The following SV2C variants were observed in gnomAD, a reference collection of about 807,000 sequenced individuals.
SV2C encodes the protein synaptic vesicle glycoprotein 2C, also known as solute carrier family 22 member B3.
In SV2C, 49 loss-of-function variants were observed where a neutral mutation model predicts 79.7. The observed-to-expected ratio is 0.61, with a 90% CI of 0.49 to 0.78. The LOEUF (loss-of-function observed/expected upper bound fraction) is 0.78, where lower values mean the gene tolerates loss of function less well. SV2C is among the 30% of genes least tolerant of loss of function. The pLI is 0.00. For missense variants in SV2C, 833 were observed against 912.9 expected (o/e 0.91, Z 1.13); for synonymous variants, 334 against 333.2 (o/e 1.00, Z -0.03).
rs1246146867 is a variant in SV2C at position 76,352,900 on chromosome 5, G to GAATCT, written c.2001-227_2001-223dup. ...CATGTGTCATTTAAACAGTCTTATA[G>GAATCT]AATCTAAGCATATTGAAATTCTTTT... On this transcript the variant is annotated intron_variant, in intron 12 of 12. Transcript: ENST00000322285. 3.1e-4 allele frequency among the ~76,000 whole-genome samples: 47 copies of GAATCT among 150,302 alleles called. No homozygotes were observed. The Middle Eastern group carries it at 0.01, about 33-fold the overall frequency.
At chr5:76,188,162 G>A (rs1354643955) in intron 2 of SV2C, among the ~76,000 whole-genome samples, 2 of 152,168 alleles carry the variant, frequency 1.3e-5, no homozygotes, top group East Asian at 3.8e-4. Flanking sequence ...TTGGGAGGCT[G>A]AGGTAGAAGG....
the SV2C span, among the ~76,000 whole-genome samples, chr5:75,904,345 G>A: frequency 1.1e-3 from 164 of 151,058 alleles, 2 homozygotes; most frequent in Non-Finnish European, 1.8e-3. Context: ...TGGAATCAGG[G>A]GTCTCAGAAG....
chr5:76,222,508 T>C (rs1745096638), intron 4 of SV2C, among the ~76,000 whole-genome samples: 1 of 152,190 alleles, frequency 6.6e-6, no homozygotes, highest in Non-Finnish European at 1.5e-5. Context: ...GAACTTTGCG[T>C]TGACGTCATA....
chr5:75,907,380 C>T, the SV2C span, among the ~76,000 whole-genome samples: 1 of 152,168 alleles, frequency 6.6e-6, no homozygotes, highest in Non-Finnish European at 1.5e-5. Flanking sequence ...TATTGGAGGT[C>T]TTGTCTGTGC....
the SV2C span, among the ~76,000 whole-genome samples, chr5:75,941,700 T>C: frequency 2.6e-5 from 4 of 152,172 alleles, no homozygotes; most frequent in Non-Finnish European, 4.4e-5. Context: ...TGGGGCACTT[T>C]AGGCCTCAGA....
At chr5:75,961,198 A>G in the SV2C span, among the ~76,000 whole-genome samples, 1 of 152,106 alleles carries the variant, frequency 6.6e-6, no homozygotes, top group Non-Finnish European at 1.5e-5. Flanking sequence ...ACTGGAAGAC[A>G]GCAGATATCA....
chr5:76,107,455 G>T (rs550185169), intron 1 of SV2C, among the ~76,000 whole-genome samples: 2 of 152,274 alleles, frequency 1.3e-5, no homozygotes, highest in South Asian at 4.1e-4. Flanking sequence ...TGTATAATAA[G>T]AAATAATACC....
At chr5:76,068,943 A>G in the SV2C span, among the ~76,000 whole-genome samples, 1 of 152,336 alleles carries the variant, frequency 6.6e-6, no homozygotes, top group African/African-American at 2.4e-5. Flanking sequence ...ACACAAATGC[A>G]TCAGTGTAAT....
Position 76,300,748 on chromosome 5 carries a change from C to A in SV2C, c.1656C>A (p.Phe552Leu). The change falls in exon 11 of 13, where the codon TTC (phenylalanine) becomes TTA (leucine). Residue 552 changes from phenylalanine (F) to leucine (L), a missense_variant. Transcript: ENST00000502798. ...FDNTDFEPYK[F>L]IDSEFKNCSF... ...CTACAGATTTTGAGCCATATAAATT[C>A]ATTGACAGTGAATTTAAAAACTGCT... The A allele has an allele frequency of 6.2e-7, 1 of 1,614,052 alleles. No homozygotes were observed. Among genetic ancestry groups the A allele is most frequent in the South Asian group, 1.1e-5 (1 of 91,066 alleles).
chr5:76,244,783 C>A (rs562250708), intron 4 of SV2C, among the ~76,000 whole-genome samples: 15 of 152,260 alleles, frequency 9.9e-5, no homozygotes, highest in South Asian at 4.1e-4. Context: ...TAATAAAAGT[C>A]CTAATTCTGT....
the SV2C span, among the ~76,000 whole-genome samples, chr5:75,939,009 A>G: frequency 2.4e-4 from 37 of 152,212 alleles, no homozygotes; most frequent in Middle Eastern, 3.4e-3. Flanking sequence ...GTACAAGTTA[A>G]TATCATTTGT....
chr5:76,009,719 C>T, the SV2C span, among the ~76,000 whole-genome samples: 1 of 152,102 alleles, frequency 6.6e-6, no homozygotes, highest in Non-Finnish European at 1.5e-5. Flanking sequence ...TACACATGGA[C>T]ATAATGTGGC....
chr5:75,911,379 G>T, the SV2C span: 2 of 1,196,034 alleles, frequency 1.7e-6, no homozygotes, highest in Non-Finnish European at 2.4e-6. Flanking sequence ...AACAACCAAA[G>T]AAGAGAACCT....
the SV2C span, chr5:75,920,941 G>T: frequency 5.5e-6 from 4 of 727,500 alleles, no homozygotes; most frequent in African/African-American, 5.2e-5. Flanking sequence ...CAAAGCTCTT[G>T]GTGATGATGG....
chr5:76,319,512 T>C (rs748418869), intron 12 of SV2C, among the ~76,000 whole-genome samples: 63 of 152,238 alleles, frequency 4.1e-4, no homozygotes, highest in Non-Finnish European at 6.9e-4. Flanking sequence ...TAGTCACGTT[T>C]TCTTGAATGC....
chr5:76,159,407 A>C (rs1393706859), intron 2 of SV2C, among the ~76,000 whole-genome samples: 1 of 152,114 alleles, frequency 6.6e-6, no homozygotes, highest in Non-Finnish European at 1.5e-5. Flanking sequence ...AAACCATTAA[A>C]ACTAATAAAC....
At chr5:75,851,703 C>T in the SV2C span, among the ~76,000 whole-genome samples, 2 of 151,994 alleles carry the variant, frequency 1.3e-5, no homozygotes, top group African/African-American at 4.8e-5. Context: ...TGCAGTGGCG[C>T]GATCTCGGCT....
chr5:76,181,838 A>G (rs7732173), intron 2 of SV2C, among the ~76,000 whole-genome samples: 121,378 of 152,156 alleles, frequency 0.8, 49,056 homozygotes, highest in East Asian at 0.97. Context: ...GCAGGAACCC[A>G]TAAGTGACTC....
At chr5:76,320,836 C>T (rs1416796916) in intron 12 of SV2C, among the ~76,000 whole-genome samples, 1 of 152,190 alleles carries the variant, frequency 6.6e-6, no homozygotes, top group African/African-American at 2.4e-5. Context: ...TTACCCTCTT[C>T]TCAAGAAGTT....
Sources: allele counts gnomAD v4.1 joint callset (sites outside exome capture counted in the v4.1 genomes callset), GRCh38; gene constraint gnomAD v4.1.1; transcripts MANE v1.5; gene names NCBI Gene and HGNC (gene_info 2026-07-23, HGNC 2026-07-21).